The following TRPC4 variants were observed in gnomAD, a reference collection of about 807,000 sequenced individuals.
TRPC4 encodes short transient receptor potential channel 4.
In TRPC4, 49 loss-of-function variants were observed where a neutral mutation model predicts 99.4. That is an observed-to-expected ratio of 0.49 (90% CI 0.39 to 0.63). The LOEUF (loss-of-function observed/expected upper bound fraction) is 0.63. Among genes scored for constraint, TRPC4 ranks in the 20% least tolerant of loss-of-function variants. The pLI is 0.00. For missense variants in TRPC4, 898 were observed against 1,152.9 expected, an observed-to-expected ratio of 0.78 and a Z score of 3.20; for synonymous variants, 454 against 425.9, an observed-to-expected ratio of 1.07 and a Z score of -0.81.
intron 2 of TRPC4, among the ~76,000 whole-genome samples, chr13:37,769,045 T>G (rs957909047): frequency 2.0e-5 from 3 of 151,510 alleles, no homozygotes; most frequent in African/African-American, 7.3e-5. Flanking sequence ...CTATAAAAGA[T>G]GCAGTTAATA....
Position 37,783,250 on chromosome 13 carries a change from T to C in TRPC4, c.84A>G (p.Glu28=). The change falls in exon 2 of 11, where the codon GAA becomes GAG. Residue 28 remains glutamate (E), a synonymous_variant. Transcript: ENST00000379705. ...IPLRIVRAES[E]LSPSEKAYLN... is the part of the protein sequence containing the mutation. ...AGTAGGCTTTTTCTGATGGCGAGAGTTCTGATTCTGCTCTTACTATCCTTA... is the reference window on the plus strand; with the variant it reads ...AGTAGGCTTTTTCTGATGGCGAGAGCTCTGATTCTGCTCTTACTATCCTTA... 1 of 1,613,652 alleles carries C rather than the reference T, an allele frequency of 6.2e-7. No individual in the cohort carries two copies. Among genetic ancestry groups the C allele is most frequent in the African/African-American group, 1.3e-5 (1 of 75,030 alleles).
Position 37,808,173 on chromosome 13 carries a change from T to C in TRPC4, c.-27-24813A>G, listed in dbSNP as rs541778552. ...AGGTATGCTTCCAATTATTATCCTATGATATGTTCAAATGGTTCACTGAAG... is the reference window on the plus strand; with the variant it reads ...AGGTATGCTTCCAATTATTATCCTACGATATGTTCAAATGGTTCACTGAAG... On this transcript the variant is annotated intron_variant, in intron 1 of 10. Transcript: ENST00000379705. 3.3e-5 allele frequency among the ~76,000 whole-genome samples: 5 copies of C among 152,180 alleles called. No homozygotes were observed. The East Asian group carries it at 9.7e-4, about 30-fold the overall frequency.
At chr13:37,862,794 T>G (rs1436300243) in intron 1 of TRPC4, among the ~76,000 whole-genome samples, 3 of 151,622 alleles carry the variant, frequency 2.0e-5, no homozygotes, top group Non-Finnish European at 4.4e-5. Flanking sequence ...GTGACTGTTA[T>G]GTATTAAGAC....
intron 8 of TRPC4, among the ~76,000 whole-genome samples, chr13:37,642,733 T>TG (rs1390501685): frequency 1.8e-5 from 1 of 55,964 alleles, no homozygotes; most frequent in Admixed American, 3.5e-4. Context: ...ATTCTTTCTT[T>TG]TTCTTTTTTT....
At chr13:37,842,236 C>T (rs1280827000) in intron 1 of TRPC4, among the ~76,000 whole-genome samples, 1 of 144,854 alleles carries the variant, frequency 6.9e-6, no homozygotes, top group African/African-American at 2.6e-5. Flanking sequence ...CGCCACTGCA[C>T]TCCAGCCTAG....
chr13:37,815,460 G>T (rs972301203), intron 1 of TRPC4, among the ~76,000 whole-genome samples: 1 of 150,866 alleles, frequency 6.6e-6, no homozygotes, highest in African/African-American at 2.4e-5. Flanking sequence ...AAAAAGCAAG[G>T]ATTGATAGTT....
At chr13:37,795,503 CA>C (rs760851141) in intron 1 of TRPC4, among the ~76,000 whole-genome samples, 5 of 152,114 alleles carry the variant, frequency 3.3e-5, no homozygotes, top group African/African-American at 9.7e-5. Context: ...CAAGCTCTAT[CA>C]GGGGGGTAAG....
At chr13:37,691,266 T>C (rs1261902447) in intron 4 of TRPC4, among the ~76,000 whole-genome samples, 2 of 152,120 alleles carry the variant, frequency 1.3e-5, no homozygotes, top group Non-Finnish European at 2.9e-5. Flanking sequence ...CACGCCCGGC[T>C]AATTTCTTTT....
At chr13:37,702,706 A>G (rs890963609) in intron 3 of TRPC4, among the ~76,000 whole-genome samples, 2 of 152,182 alleles carry the variant, frequency 1.3e-5, no homozygotes, top group Non-Finnish European at 2.9e-5. Flanking sequence ...AGAGAAAAAT[A>G]TCAATAACCT....
rs191476409 is a variant in TRPC4, at chr13:37,706,987, G to T, written c.898-14652C>A. On this transcript the variant is annotated intron_variant, in intron 3 of 10. Transcript: ENST00000379705. ...TATTTTTCCTCACCTTGCTTTTCTTGTGTAAACAGACATATGCATGTCTAA... is the reference window on the plus strand; with the variant it reads ...TATTTTTCCTCACCTTGCTTTTCTTTTGTAAACAGACATATGCATGTCTAA... Among the ~76,000 whole-genome samples, 63 of 151,910 alleles carry T rather than the reference G, an allele frequency of 4.1e-4. 1 individual carries two copies. The East Asian group carries it at 0.012, about 29-fold the overall frequency.
intron 1 of TRPC4, among the ~76,000 whole-genome samples, chr13:37,869,217 G>A (rs1274884026): frequency 1.3e-5 from 2 of 151,640 alleles, no homozygotes; most frequent in Non-Finnish European, 2.9e-5. Context: ...TTCCCCAAAT[G>A]CATAAAAGGC....
chr13:37,813,564 T>C (rs1383301562), intron 1 of TRPC4, among the ~76,000 whole-genome samples: 1 of 151,728 alleles, frequency 6.6e-6, no homozygotes, highest in Non-Finnish European at 1.5e-5. Context: ...CTACTACTGA[T>C]GTTACAGAAT....
At chr13:37,723,883 A>C (rs1954951570) in intron 3 of TRPC4, among the ~76,000 whole-genome samples, 2 of 152,054 alleles carry the variant, frequency 1.3e-5, no homozygotes, top group African/African-American at 4.8e-5. Context: ...AAAAAATTAG[A>C]ACTATAAAAT....
intron 4 of TRPC4, among the ~76,000 whole-genome samples, chr13:37,680,854 G>A (rs977311827): frequency 1.3e-5 from 2 of 152,078 alleles, no homozygotes; most frequent in African/African-American, 2.4e-5. Context: ...TTATAATTCG[G>A]TTGCTTTCAG....
chr13:37,781,841 C>A (rs951667562), intron 2 of TRPC4, among the ~76,000 whole-genome samples: 10 of 151,936 alleles, frequency 6.6e-5, no homozygotes, highest in African/African-American at 1.7e-4. Context: ...CAGACAGGGA[C>A]ACTCAGCTAT....
At chr13:37,814,025 A>G (rs1268383669) in intron 1 of TRPC4, among the ~76,000 whole-genome samples, 1 of 151,910 alleles carries the variant, frequency 6.6e-6, no homozygotes, top group Non-Finnish European at 1.5e-5. Context: ...AATTTAGTTC[A>G]ACAGATGAAA....
At position 37,763,298 on chromosome 13, in the gene TRPC4, G is replaced by A. The variant is rs181812878; in HGVS notation, c.379-16843C>T. ...AAAAAAGAAGGAGAGTGTGAAATCC[G>A]GAAGTACTAAGGCATATATTGAGGC... On this transcript the variant is annotated intron_variant, in intron 2 of 10. Coordinates refer to ENST00000379705, the MANE Select transcript of TRPC4 (RefSeq NM_016179.4). 1.0e-3 allele frequency among the ~76,000 whole-genome samples: 159 copies of A among 151,628 alleles called. 1 individual carries two copies. Among genetic ancestry groups the A allele is most frequent in the Non-Finnish European group, 5.6e-4 (38 of 67,740 alleles).
intron 4 of TRPC4, among the ~76,000 whole-genome samples, chr13:37,683,241 T>C (rs1953318166): frequency 6.6e-6 from 1 of 152,068 alleles, no homozygotes; most frequent in Admixed American, 6.6e-5. Context: ...GGGCATCTGT[T>C]TGGGCAGGTG....
chr13:37,783,460 ATAC>A (rs1956895781), intron 1 of TRPC4, 100 bp from the exon 2 acceptor site: 2 of 916,648 alleles, frequency 2.2e-6, no homozygotes, highest in Non-Finnish European at 3.0e-6. Flanking sequence ...AATAACAACA[ATAC>A]CATTATTAGT....
Sources: allele counts gnomAD v4.1 joint callset (sites outside exome capture counted in the v4.1 genomes callset), GRCh38; gene constraint gnomAD v4.1.1; transcripts MANE v1.5; gene names NCBI Gene and HGNC (gene_info 2026-07-23, HGNC 2026-07-21).